SYNJ2: variants seen among roughly 807,000 people sequenced by gnomAD.
SYNJ2 encodes polyphosphatidylinositol phosphatase SYNJ2.
A neutral mutation model predicts 141.3 loss-of-function variants in SYNJ2; 116 were observed. The observed-to-expected ratio is 0.82, with a 90% CI of 0.71 to 0.96. The LOEUF is 0.96. SYNJ2 is among the 40% of genes least tolerant of loss of function. The pLI, the probability that SYNJ2 is intolerant of heterozygous loss-of-function variation, is 0.00. For missense variants in SYNJ2, 1,873 were observed against 1,934.8 expected, an observed-to-expected ratio of 0.97 and a Z score of 0.60; for synonymous variants, 745 against 777.7, an observed-to-expected ratio of 0.96 and a Z score of 0.70.
chr6:157,990,557 G>A (rs774257262), intron 1 of SYNJ2, among the ~76,000 whole-genome samples: 10 of 152,206 alleles, frequency 6.6e-5, no homozygotes, highest in Non-Finnish European at 1.5e-4. Flanking sequence ...TGGCTCTGGC[G>A]TTGGTGTGGG....
intron 5 of SYNJ2, among the ~76,000 whole-genome samples, chr6:158,047,944 T>TG (rs1185878243): frequency 6.6e-6 from 1 of 152,128 alleles, no homozygotes; most frequent in Admixed American, 6.5e-5. Flanking sequence ...GAGCACTGAA[T>TG]GAGAGTTTCC....
intron 1 of SYNJ2, among the ~76,000 whole-genome samples, chr6:157,996,456 C>G (rs560509146): frequency 9.7e-4 from 147 of 152,294 alleles, no homozygotes; most frequent in African/African-American, 3.2e-3. Context: ...TCCTCTGCCC[C>G]TGCCTCTTTC....
Position 158,071,834 on chromosome 6 carries a change from AG to A in SYNJ2, c.2133+41del, listed in dbSNP as rs1349097836. 6.3e-7 allele frequency: 1 copy of A among 1,596,232 alleles called. No individual in the cohort carries two copies. The highest frequency in any genetic ancestry group is 1.7e-5 in the Admixed American group (1 of 58,902). ...GGGGACAGCCAGCACCTCCCTGCTC[AG>A]CTCAGTCCCAAATGTGACTGTTGAT... On this transcript the variant is annotated intron_variant, in intron 15 of 26. Transcript: ENST00000355585. This position sits in a 1 kb window ranked among gnomAD's most constrained non-coding sequence, Gnocchi z 4.3.
At chr6:158,017,110 T>A in intron 1 of SYNJ2, 94 bp from the exon 2 acceptor site, 1 of 1,487,640 alleles carries the variant, frequency 6.7e-7, no homozygotes, top group Non-Finnish European at 9.0e-7. Flanking sequence ...CTTTTTGGAG[T>A]GGGTGGGAAG....
At chr6:158,074,815 C>T (rs1004145022) in intron 16 of SYNJ2, 77 bp downstream of exon 16, 2 of 1,526,218 alleles carry the variant, frequency 1.3e-6, no homozygotes, top group East Asian at 2.3e-5. Context: ...GAGGCTGGTG[C>T]AGCAAATTCA....
At chr6:158,057,698 A>C (rs977214412) in intron 6 of SYNJ2, among the ~76,000 whole-genome samples, 2 of 152,226 alleles carry the variant, frequency 1.3e-5, no homozygotes, top group African/African-American at 4.8e-5. Flanking sequence ...ATGAGACAGG[A>C]AGAGATCAGA....
chr6:158,099,079 G>A lies in SYNJ2; in HGVS notation c.*2715G>A, dbSNP rs1386235428. 2 of 152,068 alleles carry A rather than the reference G, an allele frequency of 1.3e-5. No homozygotes were observed. Among genetic ancestry groups the A allele is most frequent in the East Asian group, 3.9e-4 (2 of 5,192 alleles). 9.4% of individuals were successfully genotyped at this position (152,068 alleles called of 1,614,324 possible). ...GAAGGAAAGCTGCAAAGATTATTGG[G>A]GGACTAGTGATTAATAAAATCCTGT... On this transcript the variant is annotated 3_prime_UTR_variant, in exon 27 of 27. Transcript: ENST00000355585.
rs192952347 is a variant in SYNJ2, at chr6:158,021,858, C to T, written c.214+4568C>T. 1.2e-4 allele frequency among the ~76,000 whole-genome samples: 18 copies of T among 152,312 alleles called. No individual in the cohort carries two copies. In the East Asian group the frequency reaches 3.5e-3, roughly 29 times the overall value. On this transcript the variant is annotated intron_variant, in intron 2 of 26. Transcript: ENST00000355585. ...TGGGATATTACCAAGAGAGTTGACA[C>T]CCAGCTCCCTGAGGGGGAAGCTCTG...
In SYNJ2 at chr6:158,070,166, GGGGTGT is replaced by G. The variant is rs898557429; in HGVS notation, c.1940+506_1940+511del. On this transcript the variant is annotated intron_variant, in intron 14 of 26. Transcript: ENST00000355585. The surrounding 1 kb of genome is among the most constrained non-coding windows in gnomAD (Gnocchi z 4.0). ...CGAGCTTAGGGGCGGCATTCCTCTTGGGGTGTGGGTGTGGGTGTTTGGATGCTGGAG... is the reference window on the plus strand; with the variant it reads ...CGAGCTTAGGGGCGGCATTCCTCTTGGGGTGTGGGTGTTTGGATGCTGGAG... 1.4e-5 allele frequency: 14 copies of G among 985,786 alleles called. No individual in the cohort carries two copies. The African/African-American group carries it at 2.3e-4, about 16-fold the overall frequency. 61.1% of individuals were successfully genotyped at this position (985,786 alleles called of 1,614,324 possible).
In SYNJ2 at chr6:158,084,211, T is replaced by A. The variant is rs1312164743; in HGVS notation, c.3208+37T>A. The A allele has an allele frequency of 2.5e-6, 4 of 1,600,828 alleles. No homozygotes were observed. The highest frequency in any genetic ancestry group is 3.4e-6 in the Non-Finnish European group (4 of 1,172,618). On this transcript the variant is annotated intron_variant, in intron 22 of 26. Transcript: ENST00000355585. This position sits in a 1 kb window ranked among gnomAD's most constrained non-coding sequence, Gnocchi z 5.0. ...CTTCTTTTCTCAGGAGCCTCAGCGA[T>A]GGAGTCAGCTCAGGACAGACTTTCC... is the stretch of plus-strand genomic sequence containing the variant.
chr6:158,057,953 A>G (rs1780971523), intron 6 of SYNJ2, among the ~76,000 whole-genome samples: 1 of 152,262 alleles, frequency 6.6e-6, no homozygotes. Flanking sequence ...AACTTAGGCC[A>G]GGGAGTCAGC....
At chr6:158,034,931 A>G (rs1779560324) in intron 4 of SYNJ2, among the ~76,000 whole-genome samples, 1 of 152,196 alleles carries the variant, frequency 6.6e-6, no homozygotes, top group Non-Finnish European at 1.5e-5. Flanking sequence ...CGTTTATTGA[A>G]TAGAGAATCC....
At chr6:158,025,715 G>A (rs1443857240) in intron 2 of SYNJ2, among the ~76,000 whole-genome samples, 1 of 151,774 alleles carries the variant, frequency 6.6e-6, no homozygotes, top group Non-Finnish European at 1.5e-5. Flanking sequence ...CACTTTGGGA[G>A]GCCGAAGCAG....
intron 6 of SYNJ2, among the ~76,000 whole-genome samples, chr6:158,055,380 T>A (rs1036588714): frequency 2.0e-5 from 3 of 152,132 alleles, no homozygotes; most frequent in Non-Finnish European, 4.4e-5. Context: ...TAGTATAGAA[T>A]AAATAAGTAT....
At position 158,055,002 on chromosome 6, in the gene SYNJ2, G is replaced by C. The variant is rs1231478352; in HGVS notation, c.831G>C (p.Leu277=). Residue 277 remains leucine (L), a synonymous_variant, in exon 6 of 27, where the codon CTG becomes CTC. Coordinates refer to ENST00000355585, the MANE Select transcript of SYNJ2 (RefSeq NM_003898.4). The part of the protein sequence containing the change: ...GSHHLRLHRG[L]EANAPAFDRH... ...ATCATCTGAGACTCCACAGAGGCCT[G>C]GAAGCCAATGCCCCTGCTTTCGACA... 12 of 1,614,032 alleles carry C rather than the reference G, an allele frequency of 7.4e-6. No homozygotes were observed. Among genetic ancestry groups the C allele is most frequent in the Non-Finnish European group, 1.0e-5 (12 of 1,180,020 alleles).
At chr6:157,999,837 G>C (rs1233988511) in intron 1 of SYNJ2, among the ~76,000 whole-genome samples, 2 of 152,200 alleles carry the variant, frequency 1.3e-5, no homozygotes, top group African/African-American at 4.8e-5. Flanking sequence ...GCTGTGATGT[G>C]CAGGTGACTG....
At chr6:158,051,238 G>T (rs1182109187) in intron 5 of SYNJ2, among the ~76,000 whole-genome samples, 1 of 152,146 alleles carries the variant, frequency 6.6e-6, no homozygotes, top group Non-Finnish European at 1.5e-5. Context: ...ATAAACAGCT[G>T]CTGCTCATTG....
chr6:158,071,140 G>A lies in SYNJ2; in HGVS notation c.1941-462G>A, dbSNP rs369538053. The stretch of plus-strand genomic sequence containing the variant: ...CACAGTTGCAGTGAGCTGAGATCAC[G>A]CTGCTGCACTCCAGCCAGGGTGACA... On this transcript the variant is annotated intron_variant, in intron 14 of 26. Coordinates refer to ENST00000355585, the MANE Select transcript of SYNJ2 (RefSeq NM_003898.4). This position sits in a 1 kb window ranked among gnomAD's most constrained non-coding sequence, Gnocchi z 4.3. Among the ~76,000 whole-genome samples the A allele has an allele frequency of 1.7e-4, 26 of 152,292 alleles. No individual in the cohort carries two copies. Among genetic ancestry groups the A allele is most frequent in the African/African-American group, 4.8e-4 (20 of 41,562 alleles).
chr6:158,066,586 A>G lies in SYNJ2; in HGVS notation c.1668A>G (p.Thr556=). The change falls in exon 12 of 27, where the codon ACA becomes ACG. Residue 556 remains threonine, a synonymous_variant. Transcript: ENST00000355585. ...RSNVLRTAEL[T]DWLLDSPQLS... Reference sequence around the variant, plus strand: ...ACGTGCTCAGGACGGCGGAGCTGACAGACTGGCTGCTCGACTCGCCCCAGC... The same window carrying G: ...ACGTGCTCAGGACGGCGGAGCTGACGGACTGGCTGCTCGACTCGCCCCAGC... 1 of 1,614,086 alleles carries G rather than the reference A, an allele frequency of 6.2e-7. No homozygotes were observed. Among genetic ancestry groups the G allele is most frequent in the East Asian group, 2.2e-5 (1 of 44,878 alleles).
Sources: allele counts gnomAD v4.1 joint callset (sites outside exome capture counted in the v4.1 genomes callset), GRCh38; gene constraint gnomAD v4.1.1; non-coding constraint Gnocchi (gnomAD v3.1); transcripts MANE v1.5; gene names NCBI Gene and HGNC (gene_info 2026-07-23, HGNC 2026-07-21).